Variants in CCDC30 observed in about 807,000 individuals in gnomAD.
CCDC30 encodes the protein coiled-coil domain-containing protein 30.
A neutral mutation model predicts 100.2 loss-of-function variants in CCDC30; 70 were observed. The ratio of observed to expected loss-of-function variants is 0.70; its 90% CI spans 0.58 to 0.85. The LOEUF (loss-of-function observed/expected upper bound fraction) is 0.85. Ranked by LOEUF, CCDC30 falls within the 40% of genes least tolerant of loss-of-function variation. The pLI is 0.00. For missense variants in CCDC30, 652 were observed against 771.2 expected, an observed-to-expected ratio of 0.85 and a Z score of 1.83; for synonymous variants, 233 against 269.5, an observed-to-expected ratio of 0.86 and a Z score of 1.33.
upstream of CCDC30, chr1:42,459,954 T>C (rs1643365782): frequency 6.4e-7 from 1 of 1,562,278 alleles, no homozygotes; most frequent in Admixed American, 2.0e-5. Flanking sequence ...GGATCAAAAA[T>C]TGTTCAGGGC....
Position 42,579,875 on chromosome 1 carries a change from G to A in CCDC30, c.847-1485G>A, listed in dbSNP as rs150371616. The stretch of plus-strand genomic sequence containing the variant: ...CTGGGCATAGTAGCACATGCATGTA[G>A]TACCAGCTACTCTGGAGGCTAAGGC... On this transcript the variant is annotated intron_variant, in intron 8 of 16. Transcript: ENST00000668663. Among the ~76,000 whole-genome samples, 1,068 of 151,382 alleles carry A rather than the reference G, an allele frequency of 7.1e-3. 4 individuals carry two copies. The highest frequency in any genetic ancestry group is 0.011 in the Non-Finnish European group (720 of 67,902).
intron 8 of CCDC30, among the ~76,000 whole-genome samples, chr1:42,578,287 A>G (rs1169656598): frequency 1.3e-5 from 2 of 152,202 alleles, no homozygotes; most frequent in Admixed American, 6.5e-5. Context: ...TTACTATACA[A>G]TTCTATGTAT....
chr1:42,544,452 A>G (rs767999981), intron 6 of CCDC30, among the ~76,000 whole-genome samples: 1 of 152,224 alleles, frequency 6.6e-6, no homozygotes, highest in Non-Finnish European at 1.5e-5. Flanking sequence ...GACCACTGAT[A>G]GTGAGTCTTA....
intron 10 of CCDC30, chr1:42,591,509 T>C (rs1646186134): frequency 6.6e-6 from 1 of 152,226 alleles, no homozygotes; most frequent in Admixed American, 6.5e-5. Context: ...GCACATAGAA[T>C]GCAAGAGTGA....
chr1:42,637,348 A>C, exon 12 of CCDC30: 7 of 1,602,074 alleles, frequency 4.4e-6, no homozygotes, highest in Non-Finnish European at 5.9e-6. Flanking sequence ...TTGAAGATGA[A>C]ATTGGAATCC....
At chr1:42,542,464 A>T (rs1163122685) in intron 6 of CCDC30, among the ~76,000 whole-genome samples, 1 of 148,004 alleles carries the variant, frequency 6.8e-6, no homozygotes, top group African/African-American at 2.5e-5. Flanking sequence ...GCCTCAGGTG[A>T]TTGTCCTGCC....
Position 42,472,739 on chromosome 1 carries a change from C to T in CCDC30, c.-91-7722C>T, listed in dbSNP as rs75446221. On this transcript the variant is annotated intron_variant, in intron 1 of 16. Coordinates refer to ENST00000668663, the Ensembl canonical transcript of CCDC30. ...ACAGTTGTTCAAAGCTTACATTTTT[C>T]GGTATTACCAGCTGTTTCATTTAAG... is the stretch of plus-strand genomic sequence containing the variant. Among the ~76,000 whole-genome samples, 457 of 151,350 alleles carry T rather than the reference C, an allele frequency of 3.0e-3. 7 individuals carry two copies. Among genetic ancestry groups the T allele is most frequent in the African/African-American group, 0.01 (421 of 41,236 alleles).
chr1:42,522,576 T>C (rs775995471), intron 6 of CCDC30, among the ~76,000 whole-genome samples: 9 of 152,238 alleles, frequency 5.9e-5, no homozygotes, highest in Admixed American at 1.3e-4. Context: ...ATACTCTAAA[T>C]TGAATTTCTT....
chr1:42,595,217 C>T (rs1343533858), intron 10 of CCDC30: 1 of 152,096 alleles, frequency 6.6e-6, no homozygotes, highest in East Asian at 1.9e-4. Context: ...GGTAAGTCCA[C>T]AAATGGTGGT....
intron 3 of CCDC30, among the ~76,000 whole-genome samples, chr1:42,485,717 G>A (rs950074587): frequency 2.9e-4 from 44 of 152,068 alleles, no homozygotes; most frequent in African/African-American, 1.1e-3. Context: ...TGACCAACAA[G>A]CACATGAAAA....
At chr1:42,631,493 C>A (rs546797429) in intron 11 of CCDC30, among the ~76,000 whole-genome samples, 2 of 152,200 alleles carry the variant, frequency 1.3e-5, no homozygotes, top group East Asian at 3.8e-4. Context: ...CCAGCTATGA[C>A]CACTCAAGTC....
At chr1:42,566,412 T>C in exon 7 of CCDC30, 2 of 1,614,034 alleles carry the variant, frequency 1.2e-6, no homozygotes, top group South Asian at 2.2e-5. Context: ...AGCTTCGATA[T>C]GAACGAGGGC....
At chr1:42,527,933 C>A (rs1429634592) in intron 6 of CCDC30, among the ~76,000 whole-genome samples, 3 of 151,690 alleles carry the variant, frequency 2.0e-5, no homozygotes, top group Non-Finnish European at 4.4e-5. Flanking sequence ...TGGCGCGATA[C>A]CGACTCACTG....
intron 10 of CCDC30, 59 bp from the exon 15 acceptor site, chr1:42,610,919 T>C: frequency 1.2e-6 from 1 of 841,442 alleles, no homozygotes; most frequent in South Asian, 1.7e-5. Flanking sequence ...GACTTTGCAT[T>C]TCTTCAACAT....
At chr1:42,490,127 C>T (rs1201315262) in intron 3 of CCDC30, 31 bp from the exon 4 acceptor site, 9 of 839,950 alleles carry the variant, frequency 1.1e-5, no homozygotes, top group Non-Finnish European at 1.4e-5. Flanking sequence ...ATCATTTGTT[C>T]CTTATACAAA....
At chr1:42,616,347 C>T (rs1004068428) in intron 11 of CCDC30, among the ~76,000 whole-genome samples, 3 of 152,160 alleles carry the variant, frequency 2.0e-5, no homozygotes, top group African/African-American at 7.2e-5. Context: ...AAAATAAAAA[C>T]CTGTGGGCAC....
chr1:42,641,744 G>A (rs1012770657), intron 12 of CCDC30, among the ~76,000 whole-genome samples: 9 of 151,982 alleles, frequency 5.9e-5, no homozygotes, highest in Non-Finnish European at 1.3e-4. Context: ...GTGGATGCCT[G>A]TAATCCCAGC....
chr1:42,635,732 CG>C (rs1433929252), intron 11 of CCDC30, among the ~76,000 whole-genome samples: 2 of 150,618 alleles, frequency 1.3e-5, no homozygotes, highest in Non-Finnish European at 1.5e-5. Flanking sequence ...GGCATGAACC[CG>C]GGATGCAGTG....
chr1:42,542,473 C>A (rs1192592684), intron 6 of CCDC30, among the ~76,000 whole-genome samples: 1 of 152,002 alleles, frequency 6.6e-6, no homozygotes, highest in Non-Finnish European at 1.5e-5. Flanking sequence ...GATTGTCCTG[C>A]CTCAGCCTCC....
Sources: allele counts gnomAD v4.1 joint callset (sites outside exome capture counted in the v4.1 genomes callset), GRCh38; gene constraint gnomAD v4.1.1; transcripts MANE v1.5; gene names NCBI Gene and HGNC (gene_info 2026-07-23, HGNC 2026-07-21).